Variants in PDE1A observed in about 807,000 individuals in gnomAD.
PDE1A encodes the protein phosphodiesterase 1A, also known as dual specificity calcium/calmodulin-dependent 3',5'-cyclic nucleotide phosphodiesterase 1A.
A neutral mutation model predicts 61.7 loss-of-function variants in PDE1A; 35 were observed. The ratio of observed to expected loss-of-function variants is 0.57; its 90% CI spans 0.43 to 0.75. PDE1A has a LOEUF of 0.75. PDE1A is among the 30% of genes least tolerant of loss of function. The pLI, the probability that PDE1A is intolerant of heterozygous loss-of-function variation, is 0.00. For synonymous variants in PDE1A, 232 were observed against 213.2 expected, an observed-to-expected ratio of 1.09 and a Z score of -0.77; for missense variants, 597 against 630.6, an observed-to-expected ratio of 0.95 and a Z score of 0.57.
At chr2:182,501,639 A>G (rs1161936786) in intron 2 of PDE1A, among the ~76,000 whole-genome samples, 2 of 152,182 alleles carry the variant, frequency 1.3e-5, no homozygotes, top group Non-Finnish European at 2.9e-5. Context: ...TGTGTTTATT[A>G]TATCATTTTG....
At chr2:182,337,004 A>AT (rs1238584153) in intron 1 of PDE1A, among the ~76,000 whole-genome samples, 1 of 147,802 alleles carries the variant, frequency 6.8e-6, no homozygotes, top group East Asian at 2.0e-4. Flanking sequence ...AAAAGTCCCT[A>AT]TGATACAAAG....
At chr2:182,579,836 C>T in the PDE1A span, among the ~76,000 whole-genome samples, 2 of 152,024 alleles carry the variant, frequency 1.3e-5, no homozygotes, top group Admixed American at 1.3e-4. Flanking sequence ...CATTATAGGA[C>T]TAGAAGAAAC....
At chr2:182,662,745 C>T in the PDE1A span, among the ~76,000 whole-genome samples, 3 of 152,232 alleles carry the variant, frequency 2.0e-5, no homozygotes, top group South Asian at 6.2e-4. Context: ...ACAACCTAGG[C>T]AATACCATTC....
At chr2:182,356,700 C>A (rs1020187316) in intron 1 of PDE1A, among the ~76,000 whole-genome samples, 1 of 152,082 alleles carries the variant, frequency 6.6e-6, no homozygotes, top group South Asian at 2.1e-4. Context: ...CGCCACTGCA[C>A]TCCAGCCTGA....
intron 13 of PDE1A, among the ~76,000 whole-genome samples, chr2:182,184,708 ATCTG>A (rs1201995826): frequency 6.6e-6 from 1 of 152,150 alleles, no homozygotes; most frequent in African/African-American, 2.4e-5. Flanking sequence ...TGTGTCTGCC[ATCTG>A]TCAAGTTCTG....
intron 1 of PDE1A, among the ~76,000 whole-genome samples, chr2:182,394,957 A>G (rs1008236630): frequency 1.3e-5 from 2 of 152,218 alleles, no homozygotes; most frequent in Admixed American, 1.3e-4. Context: ...GGTGATTTCC[A>G]TAACATCCAT....
chr2:182,308,458 A>G (rs1014449868), intron 1 of PDE1A, among the ~76,000 whole-genome samples: 2 of 152,142 alleles, frequency 1.3e-5, no homozygotes, highest in Non-Finnish European at 2.9e-5. Context: ...GTCATTGAGA[A>G]ATTTATAAAG....
intron 1 of PDE1A, among the ~76,000 whole-genome samples, chr2:182,407,638 C>G (rs1040931074): frequency 3.3e-5 from 5 of 152,112 alleles, no homozygotes; most frequent in African/African-American, 1.2e-4. Flanking sequence ...GCCTGGGCCT[C>G]CCACAGTGCT....
chr2:182,285,483 G>A (rs1410225993), intron 1 of PDE1A, among the ~76,000 whole-genome samples: 1 of 152,020 alleles, frequency 6.6e-6, no homozygotes, highest in Non-Finnish European at 1.5e-5. Flanking sequence ...ACTAAGAAAC[G>A]ATCTGGTCAA....
chr2:182,355,982 T>C (rs1051238032), intron 1 of PDE1A, among the ~76,000 whole-genome samples: 42 of 152,206 alleles, frequency 2.8e-4, no homozygotes, highest in African/African-American at 1.0e-3. Flanking sequence ...AAAGTCTAAG[T>C]TGGATAATAG....
the PDE1A span, among the ~76,000 whole-genome samples, chr2:182,686,090 T>C: frequency 1.3e-5 from 2 of 152,114 alleles, no homozygotes. Context: ...TCCCCTCCAA[T>C]AGGCAAGTTT....
chr2:182,626,746 T>C, the PDE1A span, among the ~76,000 whole-genome samples: 20,965 of 40,754 alleles, frequency 0.51, 7,528 homozygotes, highest in Admixed American at 0.67. Context: ...TACATATATA[T>C]ACATATATAT....
intron 1 of PDE1A, among the ~76,000 whole-genome samples, chr2:182,415,636 TC>T (rs1702869468): frequency 6.6e-6 from 1 of 152,160 alleles, no homozygotes; most frequent in South Asian, 2.1e-4. Flanking sequence ...TTCCCTCCTG[TC>T]TTTACTTCTT....
intron 1 of PDE1A, among the ~76,000 whole-genome samples, chr2:182,269,230 C>A (rs1259550556): frequency 6.6e-6 from 1 of 151,998 alleles, no homozygotes; most frequent in Admixed American, 6.6e-5. Flanking sequence ...GCCTAGAAGA[C>A]TTCTCTGGTA....
the PDE1A span, among the ~76,000 whole-genome samples, chr2:182,687,839 C>T: frequency 6.6e-6 from 1 of 152,076 alleles, no homozygotes; most frequent in East Asian, 1.9e-4. Flanking sequence ...CTTAAAGGAC[C>T]TGATGGAGCT....
At chr2:182,650,643 C>T in the PDE1A span, among the ~76,000 whole-genome samples, 13 of 152,244 alleles carry the variant, frequency 8.5e-5, no homozygotes, top group Admixed American at 8.5e-4. Context: ...AACAGTTATA[C>T]AAGGTAATTA....
chr2:182,555,965 C>CAA, the PDE1A span, among the ~76,000 whole-genome samples: 86 of 48,434 alleles, frequency 1.8e-3, 10 homozygotes, highest in African/African-American at 3.6e-3. Flanking sequence ...AACTCCATCT[C>CAA]AAAAAAAAAA....
intron 1 of PDE1A, among the ~76,000 whole-genome samples, chr2:182,412,769 A>G (rs369612609): frequency 6.6e-6 from 1 of 152,194 alleles, no homozygotes; most frequent in Admixed American, 6.5e-5. Context: ...ATTATTCTCT[A>G]ATTCTATGGA....
intron 1 of PDE1A, among the ~76,000 whole-genome samples, chr2:182,322,650 G>C (rs1487482194): frequency 6.6e-6 from 1 of 152,132 alleles, no homozygotes; most frequent in Admixed American, 6.6e-5. Context: ...TCATGAGGCA[G>C]ACTCTGTTAG....
Sources: allele counts gnomAD v4.1 joint callset (sites outside exome capture counted in the v4.1 genomes callset), GRCh38; gene constraint gnomAD v4.1.1; transcripts MANE v1.5; gene names NCBI Gene and HGNC (gene_info 2026-07-23, HGNC 2026-07-21).